The following GRM8 variants were observed in gnomAD, a reference collection of about 807,000 sequenced individuals.
GRM8 encodes metabotropic glutamate receptor 8.
In GRM8, 47 loss-of-function variants were observed where a neutral mutation model predicts 87.2. That is an observed-to-expected ratio of 0.54 (90% CI 0.43 to 0.69). The LOEUF (loss-of-function observed/expected upper bound fraction) is 0.69. GRM8 is among the 30% of genes least tolerant of loss of function. The pLI is 0.00. For missense variants in GRM8, 1,019 were observed against 1,139.2 expected (o/e 0.89, Z 1.52); for synonymous variants, 396 against 404.5 (o/e 0.98, Z 0.25).
chr7:126,476,346 G>A (rs1432864385), intron 9 of GRM8, among the ~76,000 whole-genome samples: 1 of 152,146 alleles, frequency 6.6e-6, no homozygotes, highest in East Asian at 1.9e-4. Flanking sequence ...GAGCCCAGGG[G>A]TTCGAGGCTA....
chr7:126,783,913 T>A (rs368378445), intron 6 of GRM8, among the ~76,000 whole-genome samples: 1 of 152,152 alleles, frequency 6.6e-6, no homozygotes, highest in South Asian at 2.1e-4. Context: ...CAATAAAACA[T>A]CAGTGTTCAT....
chr7:127,025,723 C>T (rs1284252991), intron 3 of GRM8, among the ~76,000 whole-genome samples: 31 of 151,800 alleles, frequency 2.0e-4, no homozygotes, highest in Admixed American at 1.8e-3. Context: ...AGGGAGCTGG[C>T]GAAAAGCAGA....
chr7:126,856,202 G>A (rs1317355175), intron 6 of GRM8, among the ~76,000 whole-genome samples: 1 of 151,630 alleles, frequency 6.6e-6, no homozygotes, highest in Non-Finnish European at 1.5e-5. Flanking sequence ...GACCTTACTG[G>A]TTCAAGTAAT....
intron 3 of GRM8, among the ~76,000 whole-genome samples, chr7:126,934,170 C>T (rs1806047303): frequency 6.6e-6 from 1 of 152,108 alleles, no homozygotes; most frequent in Non-Finnish European, 1.5e-5. Flanking sequence ...GATGCTTCTA[C>T]ATTATAAAAT....
chr7:126,480,641 T>G (rs1806559929), intron 9 of GRM8, among the ~76,000 whole-genome samples: 1 of 152,094 alleles, frequency 6.6e-6, no homozygotes, highest in African/African-American at 2.4e-5. Context: ...AAAGTTAGAA[T>G]GACCCTTGTA....
At chr7:126,699,199 A>G (rs909897166) in intron 7 of GRM8, among the ~76,000 whole-genome samples, 14 of 152,220 alleles carry the variant, frequency 9.2e-5, no homozygotes, top group African/African-American at 3.4e-4. Flanking sequence ...CATCAAAGGC[A>G]TGAAAGGAAA....
chr7:126,673,547 G>T (rs1187987990), intron 7 of GRM8, among the ~76,000 whole-genome samples: 8 of 152,120 alleles, frequency 5.3e-5, no homozygotes, highest in Admixed American at 5.2e-4. Flanking sequence ...AGAACACATG[G>T]ATTCCCATCC....
rs190919007 is a variant in GRM8, at chr7:127,103,718, C to T, written c.727+2778G>A. Among the ~76,000 whole-genome samples, 310 of 152,324 alleles carry T rather than the reference C, an allele frequency of 2.0e-3. 2 individuals are homozygous for T. The highest frequency in any genetic ancestry group is 2.5e-4 in the Non-Finnish European group (17 of 68,026). On this transcript the variant is annotated intron_variant, in intron 3 of 10. Transcript: ENST00000339582. Reference sequence around the variant, plus strand: ...TTCACTAAACAAACTATGCTCCAGTCAGAAAAACTGTGCTATTTGCTGATA... The same window carrying T: ...TTCACTAAACAAACTATGCTCCAGTTAGAAAAACTGTGCTATTTGCTGATA...
intron 7 of GRM8, among the ~76,000 whole-genome samples, chr7:126,620,908 A>T (rs1800096250): frequency 1.3e-5 from 2 of 152,092 alleles, no homozygotes; most frequent in South Asian, 4.1e-4. Flanking sequence ...GTTTTTTGTC[A>T]AGTTTATTCT....
chr7:126,727,704 T>TAC (rs3038844), intron 7 of GRM8, among the ~76,000 whole-genome samples: 33,710 of 141,618 alleles, frequency 0.24, 3,808 homozygotes, highest in Non-Finnish European at 0.28. Context: ...TCTGAAATCA[T>TAC]ACACACACAC....
chr7:126,995,905 C>T (rs186095765), intron 3 of GRM8, among the ~76,000 whole-genome samples: 94 of 151,896 alleles, frequency 6.2e-4, no homozygotes, highest in African/African-American at 2.2e-3. Flanking sequence ...AGAAGACTAC[C>T]TAAAGGCATT....
intron 2 of GRM8, among the ~76,000 whole-genome samples, chr7:127,171,794 C>T (rs528800444): frequency 2.1e-4 from 32 of 152,190 alleles, no homozygotes; most frequent in Non-Finnish European, 5.9e-5. Context: ...CCACAACATC[C>T]CCAAGGTATG....
At chr7:126,647,318 GATAGATAGATAGATAGATAGATAGAT>G (rs1378806331) in intron 7 of GRM8, among the ~76,000 whole-genome samples, 1,974 of 53,516 alleles carry the variant, frequency 0.037, 46 homozygotes, top group African/African-American at 0.068. Context: ...TAGATAGATA[GATAGATAGATAGATAGATAGATAGAT>G]ATAGATATAG....
rs560969456 is a variant in GRM8 at position 127,026,287 on chromosome 7, G to T, written c.727+80209C>A. ...GGTTGGTTCCAAGTCTTTGCTATTG[G>T]GAATAGTGCCACAATAAACATACGT... On this transcript the variant is annotated intron_variant, in intron 3 of 10. Coordinates refer to ENST00000339582, the MANE Select transcript of GRM8 (RefSeq NM_000845.3). 7.5e-4 allele frequency among the ~76,000 whole-genome samples: 114 copies of T among 152,028 alleles called. 3 individuals are homozygous for T. The South Asian group carries it at 0.023, about 31-fold the overall frequency.
At chr7:127,191,849 T>C (rs954214663) in intron 2 of GRM8, among the ~76,000 whole-genome samples, 1 of 152,178 alleles carries the variant, frequency 6.6e-6, no homozygotes, top group Non-Finnish European at 1.5e-5. Flanking sequence ...GCTTCGTTTT[T>C]CTAGGGTGTT....
At chr7:126,791,757 C>A (rs1435114482) in intron 6 of GRM8, among the ~76,000 whole-genome samples, 1 of 152,160 alleles carries the variant, frequency 6.6e-6, no homozygotes, top group Non-Finnish European at 1.5e-5. Flanking sequence ...AACTGGATTC[C>A]ATTTTTTAAA....
At chr7:127,027,849 C>T (rs1366681642) in intron 3 of GRM8, among the ~76,000 whole-genome samples, 2 of 152,108 alleles carry the variant, frequency 1.3e-5, no homozygotes, top group Non-Finnish European at 2.9e-5. Flanking sequence ...ATTGCCCTGG[C>T]CAGAACTTCC....
At chr7:126,868,292 G>A (rs932932072) in intron 6 of GRM8, among the ~76,000 whole-genome samples, 1 of 152,220 alleles carries the variant, frequency 6.6e-6, no homozygotes, top group Non-Finnish European at 1.5e-5. Context: ...TTGAAAGAGT[G>A]GGCCAGTGTG....
intron 7 of GRM8, among the ~76,000 whole-genome samples, chr7:126,711,777 A>G (rs1811117929): frequency 6.6e-6 from 1 of 152,180 alleles, no homozygotes; most frequent in Non-Finnish European, 1.5e-5. Context: ...CTCACCTTGC[A>G]CTTTTATGTT....
Sources: allele counts gnomAD v4.1 joint callset (sites outside exome capture counted in the v4.1 genomes callset), GRCh38; gene constraint gnomAD v4.1.1; transcripts MANE v1.5; gene names NCBI Gene and HGNC (gene_info 2026-07-23, HGNC 2026-07-21).